CDC23: variants seen among roughly 807,000 people sequenced by gnomAD.
CDC23 encodes cell division cycle 23.
In CDC23, 26 loss-of-function variants were observed where a neutral mutation model predicts 81.7. The observed-to-expected ratio is 0.32, with a 90% confidence interval of 0.23 to 0.44. CDC23 has a LOEUF of 0.44. CDC23 is among the 20% of genes least tolerant of loss of function. The pLI, the probability that CDC23 is intolerant of heterozygous loss-of-function variation, is 1.00. For synonymous variants in CDC23, 267 were observed against 270.8 expected, an observed-to-expected ratio of 0.99 and a Z score of 0.14; for missense variants, 519 against 728.0, an observed-to-expected ratio of 0.71 and a Z score of 3.30.
At position 138,207,171 on chromosome 5, in the gene CDC23, C is replaced by T. The variant is rs543780247; in HGVS notation, c.235-487G>A. On this transcript the variant is annotated intron_variant, in intron 2 of 15. Coordinates refer to ENST00000394886, the MANE Select transcript of CDC23 (RefSeq NM_004661.4). Reference sequence around the variant, plus strand: ...CTGGAATTACAGGTATGAGCGACCGCACCCGGCCAAGTTTTTCTTTCTAAT... The same window carrying T: ...CTGGAATTACAGGTATGAGCGACCGTACCCGGCCAAGTTTTTCTTTCTAAT... Among the ~76,000 whole-genome samples the T allele has an allele frequency of 6.6e-5, 10 of 152,078 alleles. No homozygotes were observed. In the South Asian group the frequency reaches 2.1e-3, roughly 32 times the overall value.
At chr5:138,207,447 G>A (rs756081509) in intron 2 of CDC23, among the ~76,000 whole-genome samples, 1 of 152,128 alleles carries the variant, frequency 6.6e-6, no homozygotes, top group Non-Finnish European at 1.5e-5. Flanking sequence ...GATTTGACTT[G>A]AGGAAAATGT....
At chr5:138,204,714 G>A (rs549834458) in intron 3 of CDC23, among the ~76,000 whole-genome samples, 15 of 150,900 alleles carry the variant, frequency 9.9e-5, no homozygotes, top group Non-Finnish European at 2.1e-4. Flanking sequence ...CCACCTTCCG[G>A]GTTCACGCCA....
At chr5:138,195,907 C>G (rs1449086400) in intron 9 of CDC23, among the ~76,000 whole-genome samples, 2 of 147,220 alleles carry the variant, frequency 1.4e-5, no homozygotes, top group East Asian at 3.9e-4. Flanking sequence ...GGGAGCAAGT[C>G]ACATCAAGAC....
At chr5:138,212,922 G>T in intron 2 of CDC23, 69 bp downstream of exon 2, 1 of 1,300,246 alleles carries the variant, frequency 7.7e-7, no homozygotes, top group Non-Finnish European at 1.1e-6. Flanking sequence ...TCCAGTGACA[G>T]GGCACTCAGT....
Position 138,188,999 on chromosome 5 carries a change from G to A in CDC23, c.1773C>T (p.Asn591=). The change falls in exon 16 of 16, where the codon AAC becomes AAT. Residue 591 remains asparagine, a synonymous_variant. Coordinates refer to ENST00000394886, the MANE Select transcript of CDC23 (RefSeq NM_004661.4). ...NTPTRRVSPL[N]LSSVTP is the part of the protein sequence containing the mutation. ...CCAACTATGGCGTGACAGAAGACAA[G>A]TTGAGTGGAGAAACTCTGCGTGTGG... The A allele has an allele frequency of 6.2e-7, 1 of 1,614,016 alleles. No homozygotes were observed. Among genetic ancestry groups the A allele is most frequent in the South Asian group, 1.1e-5 (1 of 91,072 alleles).
chr5:138,189,838 TAG>T lies in CDC23; in HGVS notation c.1491_1492del (p.Tyr498PhefsTer24). Reference sequence around the variant, plus strand: ...TGGTATGATACATACCCCACAGGAATAGATATCTTGGATATATTTGATGTAAC... The same window carrying T: ...TGGTATGATACATACCCCACAGGAATATATCTTGGATATATTTGATGTAAC... On this transcript the variant is annotated frameshift_variant, in exon 14 of 16. Transcript: ENST00000394886. LOFTEE classifies it high-confidence loss of function. 1.2e-6 allele frequency: 2 copies of T among 1,614,058 alleles called. No homozygotes were observed. The highest frequency in any genetic ancestry group is 1.7e-6 in the Non-Finnish European group (2 of 1,179,938).
At chr5:138,202,207 A>G in intron 3 of CDC23, 52 bp from the exon 4 acceptor site, 9 of 1,402,968 alleles carry the variant, frequency 6.4e-6, no homozygotes, top group Non-Finnish European at 9.0e-6. Context: ...TCTAAAACAT[A>G]CTTTAAAACT....
chr5:138,191,821 C>T, intron 12 of CDC23, 41 bp downstream of exon 12: 1 of 1,477,738 alleles, frequency 6.8e-7, no homozygotes, highest in Non-Finnish European at 9.5e-7. Context: ...ATCTAAACAG[C>T]AGATTTCCAC....
intron 9 of CDC23, among the ~76,000 whole-genome samples, chr5:138,197,116 T>G (rs562631371): frequency 6.7e-6 from 1 of 149,890 alleles, no homozygotes; most frequent in Non-Finnish European, 1.5e-5. Flanking sequence ...AAAGAATCGT[T>G]GTAGTAGTAG....
chr5:138,188,852 A>G lies in CDC23; in HGVS notation c.*126T>C. 1.2e-6 allele frequency: 1 copy of G among 825,402 alleles called. No individual in the cohort carries two copies. The allele number at this position is 825,402 out of a possible 1,614,324, so 51.1% of individuals were successfully genotyped here. The stretch of plus-strand genomic sequence containing the variant: ...GAAGGTAATTATACAAGCTGTCCCT[A>G]TGGAGCTGTTGCCATCTGTAGAAAC... On this transcript the variant is annotated 3_prime_UTR_variant, in exon 16 of 16. Coordinates refer to ENST00000394886, the MANE Select transcript of CDC23 (RefSeq NM_004661.4).
chr5:138,201,584 T>A (rs1754990258), intron 4 of CDC23, 136 bp from the exon 5 acceptor site: 3 of 626,530 alleles, frequency 4.8e-6, no homozygotes, highest in Non-Finnish European at 7.9e-6. Flanking sequence ...TGGGCTCAAG[T>A]GATCCTTCCG....
intron 2 of CDC23, among the ~76,000 whole-genome samples, chr5:138,208,120 C>A (rs992979379): frequency 7.9e-5 from 12 of 151,998 alleles, no homozygotes; most frequent in African/African-American, 2.9e-4. Context: ...CGCCACCATG[C>A]CTGGCTAATT....
chr5:138,188,966 G>C lies in CDC23; in HGVS notation c.*12C>G, dbSNP rs186137669. On this transcript the variant is annotated 3_prime_UTR_variant, in exon 16 of 16. Transcript: ENST00000394886. ...GATGGGTCTAACAATGTGCTGGCTT[G>C]AGAGTAGCCAACTATGGCGTGACAG... The C allele has an allele frequency of 1.2e-6, 2 of 1,612,754 alleles. No individual in the cohort carries two copies. Among genetic ancestry groups the C allele is most frequent in the Non-Finnish European group, 1.7e-6 (2 of 1,179,166 alleles).
chr5:138,195,479 C>T (rs1754874379), intron 9 of CDC23, among the ~76,000 whole-genome samples: 1 of 133,640 alleles, frequency 7.5e-6, no homozygotes, highest in Non-Finnish European at 1.5e-5. Context: ...CTATGCTATA[C>T]TGCAGTATAC....
At chr5:138,195,764 T>TATATATGTATATATATACATATAA in intron 9 of CDC23, among the ~76,000 whole-genome samples, 1 of 57,846 alleles carries the variant, frequency 1.7e-5, no homozygotes, top group South Asian at 7.4e-4. Context: ...TATACATATA[T>TATATATGTATATATATACATATAA]TATATATGTG....
intron 9 of CDC23, 26 bp from the exon 10 acceptor site, chr5:138,192,683 G>A: frequency 6.3e-7 from 1 of 1,591,744 alleles, no homozygotes; most frequent in South Asian, 1.1e-5. Flanking sequence ...ACAAAAAAAT[G>A]AATAATCAGA....
In CDC23 at chr5:138,213,261, G is replaced by A. The variant is rs1248000565; in HGVS notation, c.52C>T (p.Pro18Ser). The change falls in exon 1 of 16, where the codon CCT becomes TCT. Residue 18 changes from proline to serine, a missense_variant. Physicochemically the swap from Pro to Ser is moderately conservative, Grantham distance 74 (BLOSUM62 -1). Transcript: ENST00000394886. ...VPVAVTAAVA[P>S]VLSINSDFSD... ...AAATCGCTGTTTATGGACAGGACAG[G>A]CGCCACTGCCGCCGTCACAGCCACC... 19 of 1,613,894 alleles carry A rather than the reference G, an allele frequency of 1.2e-5. No homozygotes were observed. Among genetic ancestry groups the A allele is most frequent in the African/African-American group, 1.3e-5 (1 of 74,914 alleles).
intron 3 of CDC23, among the ~76,000 whole-genome samples, chr5:138,205,694 T>C (rs1467520279): frequency 8.3e-6 from 1 of 121,120 alleles, no homozygotes; most frequent in Non-Finnish European, 1.8e-5. Flanking sequence ...AATGGTAAAT[T>C]GGAAAAAAAA....
intron 6 of CDC23, 75 bp from the exon 7 acceptor site, chr5:138,198,857 TTATTATC>T (rs2126584541): frequency 6.9e-7 from 1 of 1,448,682 alleles, no homozygotes; most frequent in South Asian, 1.3e-5. Context: ...GGAACTATCT[TTATTATC>T]TAAAGGAATT....
Sources: allele counts gnomAD v4.1 joint callset (sites outside exome capture counted in the v4.1 genomes callset), GRCh38; gene constraint gnomAD v4.1.1; transcripts MANE v1.5; gene names NCBI Gene and HGNC (gene_info 2026-07-23, HGNC 2026-07-21).